Variants in SLC14A2 observed in about 807,000 individuals in gnomAD.
The protein encoded by SLC14A2 is urea transporter 2.
A neutral mutation model predicts 104.6 loss-of-function variants in SLC14A2; 91 were observed. The observed-to-expected ratio is 0.87, with a 90% confidence interval of 0.73 to 1.04. SLC14A2 has a LOEUF of 1.04. Ranked by LOEUF, SLC14A2 falls within the 50% of genes least tolerant of loss-of-function variation. The pLI is 0.00. For missense variants in SLC14A2, 1,189 were observed against 1,156.0 expected (o/e 1.03, Z -0.41); for synonymous variants, 476 against 466.4 (o/e 1.02, Z -0.27).
rs537669903 is a variant in SLC14A2 at position 45,484,265 on chromosome 18, C to T, written c.-35+943C>T. On this transcript the variant is annotated intron_variant, in intron 2 of 20. Transcript: ENST00000586448. ...CCTACCCAACTTGGCCTAAAATTGG[C>T]ACACATCACTTTCATTCATACCTCA... 1.8e-4 allele frequency among the ~76,000 whole-genome samples: 28 copies of T among 152,218 alleles called. No homozygotes were observed. In the South Asian group the frequency reaches 5.6e-3, roughly 31 times the overall value.
intron 2 of SLC14A2, among the ~76,000 whole-genome samples, chr18:45,607,123 G>C (rs559898978): frequency 6.6e-6 from 1 of 151,804 alleles, no homozygotes; most frequent in African/African-American, 2.4e-5. Context: ...ATTCAATCTC[G>C]CTGAAGGCAA....
At chr18:45,537,722 C>A (rs1371984870) in intron 2 of SLC14A2, among the ~76,000 whole-genome samples, 2 of 152,066 alleles carry the variant, frequency 1.3e-5, no homozygotes, top group African/African-American at 4.8e-5. Flanking sequence ...ACCGCATTGG[C>A]CACTGAAGGA....
intron 1 of SLC14A2, among the ~76,000 whole-genome samples, chr18:45,303,010 T>C (rs1256345516): frequency 1.3e-5 from 2 of 151,978 alleles, no homozygotes; most frequent in African/African-American, 4.8e-5. Flanking sequence ...GAAATTTCAC[T>C]TGATTTAAAA....
At chr18:45,503,369 C>T (rs1364785382) in intron 2 of SLC14A2, among the ~76,000 whole-genome samples, 2 of 152,154 alleles carry the variant, frequency 1.3e-5, no homozygotes, top group Non-Finnish European at 2.9e-5. Flanking sequence ...ATGCTCTGTG[C>T]TTACTGAGCA....
intron 1 of SLC14A2, among the ~76,000 whole-genome samples, chr18:45,309,521 G>A (rs1339985769): frequency 6.6e-6 from 1 of 151,702 alleles, no homozygotes; most frequent in Non-Finnish European, 1.5e-5. Context: ...CTGACTCAAA[G>A]GTGGATGAAA....
intron 1 of SLC14A2, among the ~76,000 whole-genome samples, chr18:45,238,315 A>G (rs1352947621): frequency 1.3e-5 from 2 of 152,216 alleles, no homozygotes; most frequent in Non-Finnish European, 2.9e-5. Context: ...GACTAATAAG[A>G]CACAAAATGA....
intron 2 of SLC14A2, among the ~76,000 whole-genome samples, chr18:45,557,584 G>A (rs2044149210): frequency 6.6e-6 from 1 of 152,170 alleles, no homozygotes; most frequent in Admixed American, 6.5e-5. Flanking sequence ...GCCTCTTTCA[G>A]GGTCCCTATT....
chr18:45,668,276 A>C, intron 14 of SLC14A2, 73 bp from the exon 15 acceptor site: 1 of 1,578,448 alleles, frequency 6.3e-7, no homozygotes, highest in Non-Finnish European at 8.6e-7. Flanking sequence ...GATAAAAAGA[A>C]TCTGACTCAA....
intron 2 of SLC14A2, among the ~76,000 whole-genome samples, chr18:45,551,797 G>T (rs973788083): frequency 2.0e-5 from 3 of 152,192 alleles, no homozygotes; most frequent in Non-Finnish European, 2.9e-5. Context: ...TGGAAAGCTG[G>T]TCTCATCCAC....
In SLC14A2 at chr18:45,553,741, T is replaced by C. The variant is rs550360074; in HGVS notation, c.-35+70419T>C. ...GCCAGATGTGGGAAGGACAGACATT[T>C]CAAAACCATAAGGCTTCAGTTGGCC... On this transcript the variant is annotated intron_variant, in intron 2 of 20. Coordinates refer to the SLC14A2 transcript ENST00000586448. Among the ~76,000 whole-genome samples the C allele has an allele frequency of 2.6e-5, 4 of 152,274 alleles. No homozygotes were observed. In the East Asian group the frequency reaches 7.7e-4, roughly 29 times the overall value.
chr18:45,662,433 G>A (rs960369133), intron 10 of SLC14A2, among the ~76,000 whole-genome samples: 8 of 152,190 alleles, frequency 5.3e-5, no homozygotes, highest in Non-Finnish European at 2.9e-5. Context: ...ATCTACCCCA[G>A]TGCTTTCCAG....
At chr18:45,177,371 T>A in the SLC14A2 span, among the ~76,000 whole-genome samples, 4 of 152,188 alleles carry the variant, frequency 2.6e-5, 1 homozygote, top group South Asian at 8.3e-4. Flanking sequence ...GTTAGCGGCA[T>A]TTCATTGGTT....
chr18:45,348,265 A>G (rs2085468985), intron 1 of SLC14A2, among the ~76,000 whole-genome samples: 1 of 152,222 alleles, frequency 6.6e-6, no homozygotes, highest in South Asian at 2.1e-4. Context: ...AAGATTTGAA[A>G]TGGACCTTGA....
chr18:45,620,244 C>A (rs544912156), intron 1 of SLC14A2, among the ~76,000 whole-genome samples: 1 of 152,320 alleles, frequency 6.6e-6, no homozygotes, highest in African/African-American at 2.4e-5. Context: ...GCCAGCCACT[C>A]GGCTGTGCAT....
chr18:45,250,835 A>C (rs1370936807), intron 1 of SLC14A2, among the ~76,000 whole-genome samples: 1 of 146,160 alleles, frequency 6.8e-6, no homozygotes, highest in Non-Finnish European at 1.5e-5. Context: ...GTTTTCCTGA[A>C]TAGAAAGCCA....
chr18:45,424,541 T>A (rs926455445), intron 1 of SLC14A2, among the ~76,000 whole-genome samples: 1 of 152,236 alleles, frequency 6.6e-6, no homozygotes, highest in African/African-American at 2.4e-5. Flanking sequence ...AGGAGCAAAC[T>A]GTTTCTAAAA....
In SLC14A2 at chr18:45,682,517, T is replaced by A; in HGVS notation, c.2761T>A (p.Ter921LysextTer55). The change falls in exon 20 of 20, where the codon TAA becomes AAA. Residue 921 changes from the stop codon to lysine, a stop_lost. Coordinates refer to ENST00000255226, the MANE Select transcript of SLC14A2 (RefSeq NM_007163.4). The stretch of plus-strand genomic sequence containing the variant: ...AAAGTATCAGGCCTACGATGTCTCC[T>A]AAGTTTCCCTGTCTAAAACACATCA... Reference protein sequence around the residue: ...ITKYQAYDVS* With the variant: ...ITKYQAYDVSK The A allele has an allele frequency of 6.2e-7, 1 of 1,613,194 alleles. No individual in the cohort carries two copies.
chr18:45,493,519 TGTGA>T (rs1310861009), intron 2 of SLC14A2, among the ~76,000 whole-genome samples: 1 of 152,166 alleles, frequency 6.6e-6, no homozygotes, highest in African/African-American at 2.4e-5. Flanking sequence ...GAAATACTGG[TGTGA>T]GTGTTTTATG....
intron 1 of SLC14A2, among the ~76,000 whole-genome samples, chr18:45,295,182 G>A (rs760244129): frequency 2.0e-5 from 3 of 152,144 alleles, no homozygotes; most frequent in Non-Finnish European, 4.4e-5. Flanking sequence ...TTCCCATTCT[G>A]TTTTGGACAA....
Sources: gnomAD v4.1 joint callset for allele counts (sites outside exome capture counted in the v4.1 genomes callset) on GRCh38, gnomAD v4.1.1 for gene constraint, MANE v1.5 for transcripts, NCBI Gene and HGNC (gene_info 2026-07-23, HGNC 2026-07-21) for gene names.